TPRG1: variants seen among roughly 807,000 people sequenced by gnomAD.
TPRG1 encodes the protein tumor protein p63 regulated 1.
A neutral mutation model predicts 29.3 loss-of-function variants in TPRG1; 29 were observed. The observed-to-expected ratio is 0.99, with a 90% CI of 0.74 to 1.35. The LOEUF is 1.35. Ranked by LOEUF, TPRG1 falls within the 40% of genes most tolerant of loss-of-function variation. TPRG1 has a pLI of 0.00. For synonymous variants in TPRG1, 130 were observed against 116.8 expected, an observed-to-expected ratio of 1.11 and a Z score of -0.73; for missense variants, 327 against 335.0, an observed-to-expected ratio of 0.98 and a Z score of 0.19.
At chr3:189,248,392 T>C (rs890529069) in intron 4 of TPRG1, among the ~76,000 whole-genome samples, 4 of 151,802 alleles carry the variant, frequency 2.6e-5, no homozygotes, top group African/African-American at 9.6e-5. Context: ...GATTGTTTGA[T>C]AGATTTTAAA....
At chr3:189,014,736 G>C (rs1254694359) in intron 3 of TPRG1, among the ~76,000 whole-genome samples, 1 of 152,132 alleles carries the variant, frequency 6.6e-6, no homozygotes, top group Non-Finnish European at 1.5e-5. Context: ...ACCAGGGGAA[G>C]ATGTGCCTTG....
At chr3:189,021,411 T>C (rs1713300408) in intron 3 of TPRG1, among the ~76,000 whole-genome samples, 1 of 152,176 alleles carries the variant, frequency 6.6e-6, no homozygotes, top group African/African-American at 2.4e-5. Context: ...TCAGGAGCTC[T>C]TTTAGGGCAG....
At chr3:189,137,609 T>C (rs1352412814) in intron 3 of TPRG1, among the ~76,000 whole-genome samples, 1 of 151,988 alleles carries the variant, frequency 6.6e-6, no homozygotes, top group African/African-American at 2.4e-5. Context: ...GCTTTGCCTC[T>C]GGCCATTAGA....
intron 3 of TPRG1, among the ~76,000 whole-genome samples, chr3:189,220,075 G>A (rs1405506370): frequency 6.6e-6 from 1 of 152,118 alleles, no homozygotes; most frequent in Non-Finnish European, 1.5e-5. Context: ...GTAAAGCTGG[G>A]TGAACTTGGT....
chr3:189,067,455 C>T (rs1486584324), intron 4 of TPRG1, among the ~76,000 whole-genome samples: 1 of 152,122 alleles, frequency 6.6e-6, no homozygotes, highest in Admixed American at 6.5e-5. Flanking sequence ...CAGCATGGTA[C>T]TGGCATAAAA....
chr3:189,010,305 T>C (rs981153825), intron 3 of TPRG1, among the ~76,000 whole-genome samples: 1 of 152,194 alleles, frequency 6.6e-6, no homozygotes, highest in African/African-American at 2.4e-5. Flanking sequence ...TACCCAGTAA[T>C]GGAATCACTG....
chr3:189,163,055 T>C (rs995299377), intron 5 of TPRG1, among the ~76,000 whole-genome samples: 40 of 152,184 alleles, frequency 2.6e-4, no homozygotes, highest in African/African-American at 8.4e-4. Context: ...GTGGGTCACC[T>C]GAGGTCAGGA....
intron 5 of TPRG1, among the ~76,000 whole-genome samples, chr3:189,311,602 C>G (rs953622087): frequency 6.6e-6 from 1 of 152,054 alleles, no homozygotes; most frequent in Non-Finnish European, 1.5e-5. Flanking sequence ...ATGAAATGAC[C>G]TCGAATCACA....
Position 189,310,505 on chromosome 3 carries a change from A to T in TPRG1, c.599A>T (p.Lys200Ile). The T allele has an allele frequency of 1.2e-6, 2 of 1,611,376 alleles. No homozygotes were observed. Among genetic ancestry groups the T allele is most frequent in the Non-Finnish European group, 1.7e-6 (2 of 1,178,978 alleles). Residue 200 changes from lysine to isoleucine, a missense_variant, in exon 5 of 6, where the codon AAA (lysine) becomes ATA (isoleucine). Lys to Ile is a moderately radical substitution (Grantham distance 102). Coordinates refer to ENST00000345063, the MANE Select transcript of TPRG1 (RefSeq NM_198485.4). ...PYATFTEHPMKYTSEKFLEIC... is the reference protein window; with the variant it reads ...PYATFTEHPMIYTSEKFLEIC... Reference sequence around the variant, plus strand: ...GCTACTTTCACTGAGCATCCTATGAAATACACCAGTGAGAAATTCCTTGAA... The same window carrying T: ...GCTACTTTCACTGAGCATCCTATGATATACACCAGTGAGAAATTCCTTGAA...
chr3:189,295,370 T>C (rs1255164609), intron 4 of TPRG1, among the ~76,000 whole-genome samples: 1 of 152,114 alleles, frequency 6.6e-6, no homozygotes. Flanking sequence ...ATGAATAATA[T>C]TGTTGCTAAG....
At chr3:189,257,798 A>G (rs112945455) in intron 4 of TPRG1, among the ~76,000 whole-genome samples, 2,068 of 152,072 alleles carry the variant, frequency 0.014, 46 homozygotes, top group African/African-American at 0.047. Flanking sequence ...CAATTTGGCT[A>G]TTGATACTTG....
rs1724505334 is a variant in TPRG1 at position 189,323,753 on chromosome 3, A to G, written c.*2933A>G. ...GCAAATGGCATGATGAGTTTGATTG[A>G]TAATAGGAGTAGACGCAAGATACAT... is the stretch of plus-strand genomic sequence containing the variant. On this transcript the variant is annotated 3_prime_UTR_variant, in exon 6 of 6. Coordinates refer to ENST00000345063, the MANE Select transcript of TPRG1 (RefSeq NM_198485.4). The G allele has an allele frequency of 6.6e-6, 1 of 152,152 alleles. No individual in the cohort carries two copies. The highest frequency in any genetic ancestry group is 2.1e-4 in the South Asian group (1 of 4,830). The allele number at this position is 152,152 out of a possible 1,614,324, so 9.4% of individuals were successfully genotyped here. A position where few individuals can be genotyped will look rare whatever the true frequency, so the allele number is the denominator to read the frequency against.
At chr3:189,032,153 T>C (rs1713966506) in intron 4 of TPRG1, among the ~76,000 whole-genome samples, 1 of 152,100 alleles carries the variant, frequency 6.6e-6, no homozygotes, top group Non-Finnish European at 1.5e-5. Context: ...ACAATTTGAG[T>C]GGGCGCCATG....
chr3:189,282,399 A>G (rs1717311948), intron 4 of TPRG1, among the ~76,000 whole-genome samples: 1 of 152,100 alleles, frequency 6.6e-6, no homozygotes, highest in South Asian at 2.1e-4. Context: ...TAACACCTGT[A>G]TTTGCCTGAA....
chr3:189,009,265 G>T (rs1283270485), intron 3 of TPRG1, among the ~76,000 whole-genome samples: 1 of 152,100 alleles, frequency 6.6e-6, no homozygotes, highest in Non-Finnish European at 1.5e-5. Flanking sequence ...GTTCATTAGG[G>T]TTGTGGAAGG....
intron 4 of TPRG1, among the ~76,000 whole-genome samples, chr3:189,056,089 C>CTTCCTTCCTTCA (rs1715674320): frequency 1.6e-5 from 2 of 128,788 alleles, no homozygotes; most frequent in Non-Finnish European, 3.3e-5. Flanking sequence ...TCCTTCCTTC[C>CTTCCTTCCTTCA]TTCCTTCCTT....
intron 5 of TPRG1, among the ~76,000 whole-genome samples, chr3:189,162,137 C>T (rs1419118415): frequency 1.3e-5 from 2 of 152,076 alleles, no homozygotes; most frequent in African/African-American, 4.8e-5. Context: ...GGATTACAGT[C>T]ACCTGCCACC....
intron 4 of TPRG1, among the ~76,000 whole-genome samples, chr3:189,256,996 CTT>C (rs1361594671): frequency 6.6e-6 from 1 of 152,130 alleles, no homozygotes; most frequent in Non-Finnish European, 1.5e-5. Context: ...AGAATTTAGA[CTT>C]TTTACATTTA....
chr3:189,227,920 G>A (rs138080178), intron 3 of TPRG1, among the ~76,000 whole-genome samples: 1,834 of 152,194 alleles, frequency 0.012, 34 homozygotes, highest in African/African-American at 0.041. Context: ...TCAGGAGTTC[G>A]CGACCAGCCT....
Sources: gnomAD v4.1 joint callset for allele counts (sites outside exome capture counted in the v4.1 genomes callset) on GRCh38, gnomAD v4.1.1 for gene constraint, MANE v1.5 for transcripts, NCBI Gene and HGNC (gene_info 2026-07-23, HGNC 2026-07-21) for gene names.